The following UBE2U variants were observed in gnomAD, a reference collection of about 807,000 sequenced individuals.
UBE2U encodes ubiquitin-conjugating enzyme E2 U.
A neutral mutation model predicts 41.2 loss-of-function variants in UBE2U; 39 were observed. That is an observed-to-expected ratio of 0.95 (90% confidence interval 0.73 to 1.24). The LOEUF is 1.24. Among genes scored for constraint, UBE2U ranks in the 50% most tolerant of loss-of-function variants. UBE2U has a pLI of 0.00. For synonymous variants in UBE2U, 107 were observed against 117.8 expected, an observed-to-expected ratio of 0.91 and a Z score of 0.60; for missense variants, 336 against 363.1, an observed-to-expected ratio of 0.93 and a Z score of 0.61.
intron 6 of UBE2U, among the ~76,000 whole-genome samples, chr1:64,222,275 T>C (rs773757504): frequency 6.6e-6 from 1 of 152,204 alleles, no homozygotes; most frequent in Non-Finnish European, 1.5e-5. Context: ...AGGCCTATGA[T>C]AAATATTCAA....
chr1:64,233,200 G>C (rs916988404), intron 7 of UBE2U, among the ~76,000 whole-genome samples: 1 of 151,912 alleles, frequency 6.6e-6, no homozygotes, highest in South Asian at 2.1e-4. Context: ...ATAGAGACGG[G>C]GTTTCAGTGT....
intron 5 of UBE2U, among the ~76,000 whole-genome samples, chr1:64,216,250 G>A (rs981613365): frequency 2.0e-5 from 3 of 152,252 alleles, no homozygotes; most frequent in East Asian, 1.9e-4. Flanking sequence ...ACAAGCTTAA[G>A]GTGAAGCAGT....
intron 7 of UBE2U, among the ~76,000 whole-genome samples, chr1:64,241,350 A>T (rs1644831557): frequency 6.6e-6 from 1 of 152,244 alleles, no homozygotes; most frequent in South Asian, 2.1e-4. Flanking sequence ...GTAGGTGCTC[A>T]GTCCAAAACA....
chr1:64,229,081 G>C (rs1215058518), intron 6 of UBE2U, among the ~76,000 whole-genome samples: 1 of 151,868 alleles, frequency 6.6e-6, no homozygotes, highest in Non-Finnish European at 1.5e-5. Flanking sequence ...GGATGGTCGC[G>C]ATCTCCTGAC....
chr1:64,210,763 C>T lies in UBE2U; in HGVS notation c.263C>T (p.Pro88Leu). 6.3e-7 allele frequency: 1 copy of T among 1,599,630 alleles called. No homozygotes were observed. The highest frequency in any genetic ancestry group is 8.5e-7 in the Non-Finnish European group (1 of 1,171,604). Residue 88 changes from proline (P) to leucine (L), a missense_variant, in exon 4 of 10, where the codon CCC becomes CTC. Coordinates refer to ENST00000371077, the MANE Select transcript of UBE2U (RefSeq NM_001366232.2). ...HPNVDPHTGQ[P>L]CIDFLDNPEK... ...ACAGTAGACCCACACACTGGTCAGC[C>T]CTGTATAGACTTTTTGGACAACCCT...
intron 3 of UBE2U, among the ~76,000 whole-genome samples, chr1:64,209,140 A>G (rs779684888): frequency 4.6e-5 from 7 of 152,218 alleles, no homozygotes; most frequent in Non-Finnish European, 8.8e-5. Context: ...TTTGGTATCT[A>G]TAACACAAAA....
chr1:64,266,521 A>G (rs1188174099), intron 9 of UBE2U, among the ~76,000 whole-genome samples: 2 of 152,198 alleles, frequency 1.3e-5, no homozygotes, highest in African/African-American at 4.8e-5. Flanking sequence ...TCGACGGGTT[A>G]GCACCGCACC....
chr1:64,222,997 T>C (rs1050210793), intron 6 of UBE2U, among the ~76,000 whole-genome samples: 2 of 152,208 alleles, frequency 1.3e-5, no homozygotes, highest in East Asian at 3.9e-4. Context: ...GCTAGTCATC[T>C]GGGATGTTTG....
intron 7 of UBE2U, among the ~76,000 whole-genome samples, chr1:64,239,419 T>A (rs1411201684): frequency 6.6e-6 from 1 of 152,090 alleles, no homozygotes; most frequent in East Asian, 1.9e-4. Flanking sequence ...GTGCACAACG[T>A]GCAGGTTTGT....
chr1:64,257,545 A>G (rs1289314729), intron 8 of UBE2U, among the ~76,000 whole-genome samples: 2 of 152,184 alleles, frequency 1.3e-5, no homozygotes, highest in Non-Finnish European at 2.9e-5. Flanking sequence ...CTCACCTAGA[A>G]GTGGGAGCTG....
intron 8 of UBE2U, among the ~76,000 whole-genome samples, chr1:64,254,973 A>C (rs1304178245): frequency 6.6e-6 from 1 of 152,036 alleles, no homozygotes; most frequent in Non-Finnish European, 1.5e-5. Context: ...AAAAATCAAC[A>C]AATTCAGGAG....
chr1:64,236,606 G>A (rs1181040177), intron 7 of UBE2U, among the ~76,000 whole-genome samples: 1 of 152,124 alleles, frequency 6.6e-6, no homozygotes, highest in African/African-American at 2.4e-5. Context: ...AAATGTTTAT[G>A]TTAGAGGAAA....
At position 64,210,859 on chromosome 1, in the gene UBE2U, A is replaced by G; in HGVS notation, c.339+20A>G. Reference sequence around the variant, plus strand: ...CTACAGGTAAGAATGGATTTCATATAATCCTCTCTTTAATACTTTTAATTA... The same window carrying G: ...CTACAGGTAAGAATGGATTTCATATGATCCTCTCTTTAATACTTTTAATTA... On this transcript the variant is annotated intron_variant, in intron 4 of 9. Coordinates refer to ENST00000371077, the MANE Select transcript of UBE2U (RefSeq NM_001366232.2). 6.5e-7 allele frequency: 1 copy of G among 1,536,300 alleles called. No homozygotes were observed. Among genetic ancestry groups the G allele is most frequent in the Non-Finnish European group, 8.9e-7 (1 of 1,123,378 alleles).
chr1:64,236,903 CACCCAAG>C (rs1298112396), intron 7 of UBE2U, among the ~76,000 whole-genome samples: 1 of 152,192 alleles, frequency 6.6e-6, no homozygotes, highest in African/African-American at 2.4e-5. Context: ...ATAGATGGCA[CACCCAAG>C]ACCAATTACA....
rs1651123181 is a variant in UBE2U, at chr1:64,203,852, T to C, written c.-199T>C. The C allele has an allele frequency of 2.3e-6, 1 of 432,266 alleles. No individual in the cohort carries two copies. Among genetic ancestry groups the C allele is most frequent in the African/African-American group, 2.0e-5 (1 of 49,612 alleles). The allele number at this position is 432,266 out of a possible 1,614,324, so 26.8% of individuals were successfully genotyped here. ...AAGTCTTCCTTCGGGAAGTTCTCGT[T>C]TAGAGGAGTCAGGAGAAAAAGTCAT... is the stretch of plus-strand genomic sequence containing the variant. On this transcript the variant is annotated 5_prime_UTR_variant, in exon 1 of 10. Transcript: ENST00000371077.
chr1:64,224,330 C>A (rs976472762), intron 6 of UBE2U, among the ~76,000 whole-genome samples: 1 of 152,008 alleles, frequency 6.6e-6, no homozygotes, highest in Non-Finnish European at 1.5e-5. Flanking sequence ...AAATTGAAAA[C>A]AGAATGTCCA....
intron 2 of UBE2U, among the ~76,000 whole-genome samples, 181 bp downstream of exon 2, chr1:64,205,901 A>G (rs749124471): frequency 1.8e-4 from 28 of 152,086 alleles, no homozygotes; most frequent in Non-Finnish European, 2.6e-4. Context: ...TTTTTTATTT[A>G]TGACTTTTTT....
intron 8 of UBE2U, among the ~76,000 whole-genome samples, chr1:64,250,769 T>C (rs1428330626): frequency 6.6e-6 from 1 of 151,966 alleles, no homozygotes; most frequent in Non-Finnish European, 1.5e-5. Flanking sequence ...TGTAGGGACA[T>C]GGATGAAGCT....
chr1:64,255,256 T>A (rs545844945), intron 8 of UBE2U, among the ~76,000 whole-genome samples: 1 of 151,956 alleles, frequency 6.6e-6, no homozygotes, highest in Admixed American at 6.6e-5. Context: ...AATAATGAGT[T>A]CTGAAATTGA....
Sources: gnomAD v4.1 joint callset for allele counts (sites outside exome capture counted in the v4.1 genomes callset) on GRCh38, gnomAD v4.1.1 for gene constraint, MANE v1.5 for transcripts, NCBI Gene and HGNC (gene_info 2026-07-23, HGNC 2026-07-21) for gene names.